Variants in TNRC6A observed in about 807,000 individuals in gnomAD.
TNRC6A encodes the protein trinucleotide repeat containing adaptor 6A, also known as trinucleotide repeat-containing gene 6A protein.
Under a neutral mutation model 221.2 loss-of-function variants are expected in TNRC6A, and 44 were observed. That is an observed-to-expected ratio of 0.20 (90% CI 0.16 to 0.26). The LOEUF (loss-of-function observed/expected upper bound fraction) is 0.26, where lower values mean the gene tolerates loss of function less well. Ranked by LOEUF, TNRC6A falls within the 10% of genes least tolerant of loss-of-function variation. TNRC6A has a pLI of 1.00. For synonymous variants in TNRC6A, 847 were observed against 838.5 expected (o/e 1.01, Z -0.18); for missense variants, 2,199 against 2,404.4 (o/e 0.91, Z 1.79).
intron 1 of TNRC6A, among the ~76,000 whole-genome samples, chr16:24,622,379 T>A (rs777646176): frequency 2.0e-5 from 3 of 152,168 alleles, no homozygotes; most frequent in South Asian, 4.1e-4. Context: ...GGCAGGTGGA[T>A]CACCTGAGGT....
intron 18 of TNRC6A, among the ~76,000 whole-genome samples, chr16:24,813,729 G>C (rs1286802893): frequency 1.3e-5 from 2 of 152,168 alleles, no homozygotes; most frequent in Admixed American, 6.5e-5. Context: ...AACTGAACCT[G>C]TCACGTAGGT....
intron 2 of TNRC6A, among the ~76,000 whole-genome samples, chr16:24,714,991 C>G (rs1429258388): frequency 6.6e-6 from 1 of 151,838 alleles, no homozygotes; most frequent in Non-Finnish European, 1.5e-5. Context: ...ATTCTCCTGC[C>G]TCAGCCTCCC....
rs1024356286 is a variant in TNRC6A, at chr16:24,796,069, A to G, written c.3561+130A>G. 1.1e-4 allele frequency: 111 copies of G among 977,126 alleles called. 1 individual carries two copies. The East Asian group carries it at 2.6e-3, about 23-fold the overall frequency. 60.5% of individuals were successfully genotyped at this position (977,126 alleles called of 1,614,324 possible). ...TTGGTGCTGGGGATTCAAATACACT[A>G]AGATATGAGTTTCACCTTTCGGGAG... On this transcript the variant is annotated intron_variant, in intron 9 of 24. Coordinates refer to ENST00000395799, the MANE Select transcript of TNRC6A (RefSeq NM_014494.4).
In TNRC6A at chr16:24,765,049, T is replaced by G. The variant is rs2057444184; in HGVS notation, c.163+6689T>G. On this transcript the variant is annotated intron_variant, in intron 4 of 24. Coordinates refer to ENST00000395799, the MANE Select transcript of TNRC6A (RefSeq NM_014494.4). ...ACTGTGGCTGACCATGGGGTAAGAC[T>G]TTGGAAAGTGAAATCTTGGAAAAGG... Among the ~76,000 whole-genome samples the G allele has an allele frequency of 2.0e-5, 3 of 152,196 alleles. No homozygotes were observed. In the South Asian group the frequency reaches 6.2e-4, roughly 32 times the overall value.
chr16:24,702,429 C>T (rs1228979680), intron 2 of TNRC6A, among the ~76,000 whole-genome samples: 2 of 152,114 alleles, frequency 1.3e-5, no homozygotes, highest in East Asian at 1.9e-4. Flanking sequence ...CCACCCACCT[C>T]AGCCTCCCAA....
upstream of TNRC6A, among the ~76,000 whole-genome samples, chr16:24,728,214 C>G (rs2056525528): frequency 6.6e-6 from 1 of 152,002 alleles, no homozygotes; most frequent in Admixed American, 6.6e-5. Context: ...CTTGGGAGGC[C>G]GAGGGGGGCG....
chr16:24,707,392 A>T (rs920694693), intron 2 of TNRC6A, among the ~76,000 whole-genome samples: 9 of 151,796 alleles, frequency 5.9e-5, no homozygotes, highest in Admixed American at 5.9e-4. Flanking sequence ...CTTAAATAAG[A>T]GAAAATCTTT....
At chr16:24,719,967 G>A (rs1374831390) in intron 2 of TNRC6A, among the ~76,000 whole-genome samples, 1 of 152,200 alleles carries the variant, frequency 6.6e-6, no homozygotes, top group Non-Finnish European at 1.5e-5. Flanking sequence ...AGTTAAGGCA[G>A]GTGCTGGTCA....
At chr16:24,822,592 G>A (rs879308186) in intron 23 of TNRC6A, among the ~76,000 whole-genome samples, 15 of 152,172 alleles carry the variant, frequency 9.9e-5, no homozygotes, top group Non-Finnish European at 2.2e-4. Context: ...AACCTTGATG[G>A]ATGCTGTCCT....
intron 2 of TNRC6A, among the ~76,000 whole-genome samples, chr16:24,704,567 A>G (rs1161153990): frequency 6.7e-6 from 1 of 149,564 alleles, no homozygotes; most frequent in African/African-American, 2.4e-5. Flanking sequence ...CAGGAGGCTG[A>G]AGCAGGAGAA....
chr16:24,790,482 A>G lies in TNRC6A; in HGVS notation c.1840A>G (p.Ser614Gly), dbSNP rs777993383. Residue 614 changes from serine (S) to glycine (G), a missense_variant, in exon 6 of 25, where the codon AGC becomes GGC. Ser to Gly is a moderately conservative substitution (Grantham distance 56). This residue lies in a region of TNRC6A where 1,405 missense variants were observed against 1,400.2 expected (regional missense o/e 1.00). Coordinates refer to ENST00000395799, the MANE Select transcript of TNRC6A (RefSeq NM_014494.4). ...PAQNTGTNLP[S>G]VEWNKLPSNQ... ...ACAAAACACTGGCACTAATTTACCC[A>G]GCGTTGAGTGGAACAAACTGCCTAG... 5 of 1,614,238 alleles carry G rather than the reference A, an allele frequency of 3.1e-6. No individual in the cohort carries two copies. The highest frequency in any genetic ancestry group is 4.2e-6 in the Non-Finnish European group (5 of 1,180,036).
chr16:24,760,841 A>G (rs771223428), intron 4 of TNRC6A, among the ~76,000 whole-genome samples: 11 of 152,208 alleles, frequency 7.2e-5, no homozygotes, highest in Non-Finnish European at 1.2e-4. Flanking sequence ...TTACATTACC[A>G]TGGTACATTT....
chr16:24,733,297 A>G (rs751564441), intron 2 of TNRC6A, among the ~76,000 whole-genome samples: 7 of 152,208 alleles, frequency 4.6e-5, no homozygotes, highest in Non-Finnish European at 1.0e-4. Context: ...CTGAATGTCA[A>G]AGATGTGTTG....
chr16:24,809,397 G>C lies in TNRC6A; in HGVS notation c.4588G>C (p.Glu1530Gln), dbSNP rs2058498375. ...AAATATGGATATGAACAGTATTAAA[G>C]AGCCACAGTCAAGACTAAGGAAGTG... ...NVNMDMNSIK[E>Q]PQSRLRKWTT... Residue 1530 changes from glutamate to glutamine, a missense_variant, in exon 18 of 25, where the codon GAG (glutamate) becomes CAG (glutamine). Glu to Gln is a conservative substitution (Grantham distance 29). This residue lies in a region of TNRC6A where 449 missense variants were observed against 579.7 expected (regional missense o/e 0.77). Coordinates refer to ENST00000395799, the MANE Select transcript of TNRC6A (RefSeq NM_014494.4). 2 of 1,596,426 alleles carry C rather than the reference G, an allele frequency of 1.3e-6. No homozygotes were observed. Among genetic ancestry groups the C allele is most frequent in the Non-Finnish European group, 1.7e-6 (2 of 1,170,262 alleles).
At chr16:24,648,065 A>G (rs1431552174) in intron 2 of TNRC6A, among the ~76,000 whole-genome samples, 1 of 152,094 alleles carries the variant, frequency 6.6e-6, no homozygotes, top group Non-Finnish European at 1.5e-5. Flanking sequence ...TTCTTTCTTA[A>G]GACCATATAC....
At chr16:24,632,950 A>G (rs1009896997) in intron 1 of TNRC6A, among the ~76,000 whole-genome samples, 1 of 150,006 alleles carries the variant, frequency 6.7e-6, no homozygotes, top group East Asian at 2.0e-4. Context: ...CGGAGGTTGC[A>G]GTGAGTCGAG....
At chr16:24,726,834 T>C (rs757023806), upstream of TNRC6A, among the ~76,000 whole-genome samples, 21 of 152,182 alleles carry the variant, frequency 1.4e-4, no homozygotes, top group Non-Finnish European at 2.5e-4. Flanking sequence ...AAAAGATCCC[T>C]TAGAGGGTCC....
intron 3 of TNRC6A, 151 bp downstream of exon 3, chr16:24,750,964 T>G: frequency 1.4e-6 from 1 of 715,270 alleles, no homozygotes; most frequent in Non-Finnish European, 2.1e-6. Flanking sequence ...AATATGCATA[T>G]AAAGTAACTT....
chr16:24,698,925 G>A (rs2055915674), intron 2 of TNRC6A, among the ~76,000 whole-genome samples: 1 of 152,110 alleles, frequency 6.6e-6, no homozygotes, highest in Non-Finnish European at 1.5e-5. Context: ...GGCCAGGCTG[G>A]TCTCGAACTC....
Sources: gnomAD v4.1 joint callset for allele counts (sites outside exome capture counted in the v4.1 genomes callset) on GRCh38, gnomAD v4.1.1 for gene constraint, gnomAD v4.1.1 regional missense constraint, MANE v1.5 for transcripts, NCBI Gene and HGNC (gene_info 2026-07-23, HGNC 2026-07-21) for gene names.